The following DLG2 variants were observed in gnomAD, a reference collection of about 807,000 sequenced individuals.
DLG2 encodes disks large homolog 2.
A neutral mutation model predicts 132.5 loss-of-function variants in DLG2; 45 were observed. The ratio of observed to expected loss-of-function variants is 0.34; its 90% confidence interval spans 0.27 to 0.44. DLG2 has a LOEUF of 0.44. Among genes scored for constraint, DLG2 ranks in the 20% least tolerant of loss-of-function variants. The pLI, the probability that DLG2 is intolerant of heterozygous loss-of-function variation, is 1.00. For synonymous variants in DLG2, 424 were observed against 419.6 expected, an observed-to-expected ratio of 1.01 and a Z score of -0.13; for missense variants, 1,045 against 1,196.9, an observed-to-expected ratio of 0.87 and a Z score of 1.87.
At chr11:85,081,066 TAAAAAC>T (rs897585823) in intron 6 of DLG2, among the ~76,000 whole-genome samples, 1 of 152,124 alleles carries the variant, frequency 6.6e-6, no homozygotes, top group African/African-American at 2.4e-5. Flanking sequence ...AAAAACCTAA[TAAAAAC>T]AAACAGGAAT....
intron 15 of DLG2, among the ~76,000 whole-genome samples, chr11:83,895,361 C>T (rs574766653): frequency 3.9e-4 from 60 of 152,006 alleles, no homozygotes; most frequent in African/African-American, 1.3e-3. Flanking sequence ...GGTTTCTCCA[C>T]GTTGGTCAGG....
At chr11:83,605,970 A>G (rs1449137581) in intron 19 of DLG2, among the ~76,000 whole-genome samples, 1 of 152,252 alleles carries the variant, frequency 6.6e-6, no homozygotes, top group Non-Finnish European at 1.5e-5. Flanking sequence ...GACTTGAGAT[A>G]CTAGGAGAAG....
chr11:85,268,801 C>A (rs2077364396), intron 4 of DLG2, among the ~76,000 whole-genome samples: 1 of 152,058 alleles, frequency 6.6e-6, no homozygotes, highest in African/African-American at 2.4e-5. Context: ...GTGATGCCTA[C>A]AACAGATAAA....
intron 12 of DLG2, among the ~76,000 whole-genome samples, chr11:83,966,663 G>A (rs1356490189): frequency 6.6e-6 from 1 of 151,998 alleles, no homozygotes; most frequent in African/African-American, 2.4e-5. Context: ...ACAGCATGAT[G>A]TTATATCACA....
intron 6 of DLG2, among the ~76,000 whole-genome samples, chr11:84,810,675 A>G (rs773924098): frequency 6.6e-6 from 1 of 152,212 alleles, no homozygotes; most frequent in Admixed American, 6.5e-5. Flanking sequence ...ACAATAGCCA[A>G]AAGCCTGAAA....
At chr11:83,994,365 TTTTA>T (rs961349454) in intron 11 of DLG2, among the ~76,000 whole-genome samples, 3 of 151,990 alleles carry the variant, frequency 2.0e-5, no homozygotes, top group Non-Finnish European at 4.4e-5. Flanking sequence ...TGCCCAGGGG[TTTTA>T]TGGACAAAGT....
intron 3 of DLG2, among the ~76,000 whole-genome samples, chr11:85,403,581 G>A (rs947906574): frequency 1.3e-5 from 2 of 151,980 alleles, no homozygotes; most frequent in African/African-American, 4.8e-5. Context: ...TGAAAAGCCT[G>A]GCTTTGGGAG....
chr11:84,564,211 G>A lies in DLG2; in HGVS notation c.358-29480C>T, dbSNP rs187570828. On this transcript the variant is annotated intron_variant, in intron 6 of 27. Coordinates refer to ENST00000376104, the MANE Select transcript of DLG2 (RefSeq NM_001142699.3). ...GCTCGTCTATGCAGTATTATTGGGG[G>A]TTTTTATAAAAGCTTGGGTATGCTT... 5.6e-3 allele frequency among the ~76,000 whole-genome samples: 851 copies of A among 152,264 alleles called. 11 individuals carry two copies. Among genetic ancestry groups the A allele is most frequent in the Non-Finnish European group, 5.0e-3 (343 of 68,024 alleles).
chr11:84,794,011 G>A (rs2074227612), intron 6 of DLG2, among the ~76,000 whole-genome samples: 1 of 152,012 alleles, frequency 6.6e-6, no homozygotes, highest in Non-Finnish European at 1.5e-5. Flanking sequence ...TAGTGAAAGT[G>A]ATTTTCTCTG....
At chr11:84,649,916 A>G (rs2099679502) in intron 6 of DLG2, among the ~76,000 whole-genome samples, 1 of 152,168 alleles carries the variant, frequency 6.6e-6, no homozygotes, top group South Asian at 2.1e-4. Flanking sequence ...AATCCTAGAG[A>G]TGACTCTAGG....
At chr11:83,864,903 C>A (rs1437574573) in intron 16 of DLG2, among the ~76,000 whole-genome samples, 1 of 152,086 alleles carries the variant, frequency 6.6e-6, no homozygotes, top group African/African-American at 2.4e-5. Context: ...ATACCTGAGG[C>A]AATCCTCTTT....
intron 18 of DLG2, among the ~76,000 whole-genome samples, chr11:83,777,686 A>G (rs1468502384): frequency 6.6e-6 from 1 of 152,238 alleles, no homozygotes; most frequent in Admixed American, 6.5e-5. Flanking sequence ...TCATTATTGA[A>G]TGTTTCAAAT....
chr11:84,333,161 G>A (rs1334680457), intron 7 of DLG2, among the ~76,000 whole-genome samples: 3 of 152,214 alleles, frequency 2.0e-5, no homozygotes, highest in Admixed American at 6.5e-5. Context: ...TGAAAGGACT[G>A]ATAGTCCTCT....
intron 6 of DLG2, among the ~76,000 whole-genome samples, chr11:84,905,791 C>T (rs1460911751): frequency 6.6e-6 from 1 of 152,148 alleles, no homozygotes; most frequent in African/African-American, 2.4e-5. Flanking sequence ...GTTTTTACTC[C>T]ATCTCTTTCT....
intron 14 of DLG2, among the ~76,000 whole-genome samples, chr11:83,951,860 A>C (rs954119043): frequency 6.6e-6 from 1 of 152,212 alleles, no homozygotes; most frequent in African/African-American, 2.4e-5. Flanking sequence ...CAATAATTAA[A>C]TGATAGATGA....
intron 17 of DLG2, among the ~76,000 whole-genome samples, chr11:83,803,016 T>C (rs1166947616): frequency 6.6e-6 from 1 of 151,112 alleles, no homozygotes; most frequent in Non-Finnish European, 1.5e-5. Flanking sequence ...CAAAAAAGTT[T>C]TAACTACTGA....
At chr11:84,252,436 C>A (rs1280046350) in intron 7 of DLG2, among the ~76,000 whole-genome samples, 1 of 152,002 alleles carries the variant, frequency 6.6e-6, no homozygotes, top group African/African-American at 2.4e-5. Context: ...CATGCCCTGC[C>A]ATATTTTATT....
At chr11:84,420,750 G>T (rs1263996341) in intron 7 of DLG2, among the ~76,000 whole-genome samples, 2 of 130,902 alleles carry the variant, frequency 1.5e-5, no homozygotes, top group Non-Finnish European at 3.1e-5. Context: ...CTCACTGCAA[G>T]CTCCGCCTCC....
chr11:84,793,431 C>G (rs2074147078), intron 6 of DLG2, among the ~76,000 whole-genome samples: 2 of 152,114 alleles, frequency 1.3e-5, no homozygotes, highest in African/African-American at 4.8e-5. Flanking sequence ...TCCTAAAGTG[C>G]AGGTTAAGTC....
Sources: gnomAD v4.1 joint callset for allele counts (sites outside exome capture counted in the v4.1 genomes callset) on GRCh38, gnomAD v4.1.1 for gene constraint, MANE v1.5 for transcripts, NCBI Gene and HGNC (gene_info 2026-07-23, HGNC 2026-07-21) for gene names.